ACTR3: variants seen among roughly 807,000 people sequenced by gnomAD.
ACTR3 encodes the protein actin related protein 3, also known as actin-related protein 3.
A neutral mutation model predicts 56.8 loss-of-function variants in ACTR3; 12 were observed. The ratio of observed to expected loss-of-function variants is 0.21; its 90% CI spans 0.14 to 0.34. The LOEUF is 0.34. Ranked by LOEUF, ACTR3 falls within the 10% of genes least tolerant of loss-of-function variation. The pLI, the probability that ACTR3 is intolerant of heterozygous loss-of-function variation, is 1.00. For synonymous variants in ACTR3, 162 were observed against 167.4 expected (o/e 0.97, Z 0.25); for missense variants, 282 against 512.5 (o/e 0.55, Z 4.34).
Position 113,959,339 on chromosome 2 carries a change from C to G in ACTR3, c.*1884C>G, listed in dbSNP as rs1680280976. ...TTTGATAAAGAACTATATTGATAAG[C>G]AGTAAAGATGTCATGCTCCTGGCCC... On this transcript the variant is annotated 3_prime_UTR_variant, in exon 12 of 12. Transcript: ENST00000263238. 6.6e-6 allele frequency: 1 copy of G among 151,912 alleles called. No homozygotes were observed. Among genetic ancestry groups the G allele is most frequent in the African/African-American group, 2.4e-5 (1 of 41,406 alleles). 9.4% of individuals were successfully genotyped at this position (151,912 alleles called of 1,614,324 possible). A position where few individuals can be genotyped will look rare whatever the true frequency, so the allele number is the denominator to read the frequency against.
intron 6 of ACTR3, among the ~76,000 whole-genome samples, chr2:113,936,680 C>G (rs1474675033): frequency 1.3e-5 from 2 of 152,130 alleles, no homozygotes; most frequent in Admixed American, 6.5e-5. Flanking sequence ...TTTGCTAGAA[C>G]TACCGTAATA....
intron 6 of ACTR3, among the ~76,000 whole-genome samples, chr2:113,935,373 C>T (rs1188963967): frequency 6.6e-6 from 1 of 152,216 alleles, no homozygotes; most frequent in East Asian, 1.9e-4. Context: ...CCCCTTGATT[C>T]CTTCAGCCCC....
At position 113,910,330 on chromosome 2, in the gene ACTR3, G is replaced by A. The variant is rs150583021; in HGVS notation, c.45-2842G>A. ...TGGTACGCTCGAGAGGGTGTGGAAC[G>A]TCTACGTCTCTTCCTACACACCTCA... On this transcript the variant is annotated intron_variant, in intron 1 of 11. Coordinates refer to ENST00000263238, the MANE Select transcript of ACTR3 (RefSeq NM_005721.5). Among the ~76,000 whole-genome samples, 672 of 152,228 alleles carry A rather than the reference G, an allele frequency of 4.4e-3. 5 individuals are homozygous for A. The highest frequency in any genetic ancestry group is 0.015 in the African/African-American group (642 of 41,522).
rs1680327814 is a variant in ACTR3, at chr2:113,961,624, CT to C, written c.*4171del. 6.6e-6 allele frequency: 1 copy of C among 151,970 alleles called. No individual in the cohort carries two copies. Among genetic ancestry groups the C allele is most frequent in the African/African-American group, 2.4e-5 (1 of 41,532 alleles). The allele number at this position is 151,970 out of a possible 1,614,324, so 9.4% of individuals were successfully genotyped here. A position where few individuals can be genotyped will look rare whatever the true frequency, so the allele number is the denominator to read the frequency against. On this transcript the variant is annotated 3_prime_UTR_variant, in exon 12 of 12. Coordinates refer to ENST00000263238, the MANE Select transcript of ACTR3 (RefSeq NM_005721.5). ...CTATATATTGCATCAAGTTTTGAGC[CT>C]TCAATCCCAGAAGCATTGATTGACT...
Position 113,959,764 on chromosome 2 carries a change from G to A in ACTR3, c.*2309G>A, listed in dbSNP as rs1005712802. The stretch of plus-strand genomic sequence containing the variant: ...TTGGCCAAGGTGAACTAAATAGTCT[G>A]TAACATTGATTAGATATCAAGCAAC... On this transcript the variant is annotated 3_prime_UTR_variant, in exon 12 of 12. Coordinates refer to ENST00000263238, the MANE Select transcript of ACTR3 (RefSeq NM_005721.5). 1 of 152,000 alleles carries A rather than the reference G, an allele frequency of 6.6e-6. No homozygotes were observed. The highest frequency in any genetic ancestry group is 1.5e-5 in the Non-Finnish European group (1 of 67,900). 9.4% of individuals were successfully genotyped at this position (152,000 alleles called of 1,614,324 possible).
Position 113,951,464 on chromosome 2 carries a change from C to T in ACTR3, c.859-15C>T. On this transcript the variant is annotated splice_polypyrimidine_tract_variant and intron_variant, in intron 8 of 11. Coordinates refer to ENST00000263238, the MANE Select transcript of ACTR3 (RefSeq NM_005721.5). ...AGTGATATGATCTCTATTATATATC[C>T]AACTTATTTTTCAGTTTGCTAATCC... 1 of 1,543,580 alleles carries T rather than the reference C, an allele frequency of 6.5e-7. No homozygotes were observed. Among genetic ancestry groups the T allele is most frequent in the Non-Finnish European group, 9.0e-7 (1 of 1,117,038 alleles).
At chr2:113,931,242 C>T (rs1679718579) in intron 4 of ACTR3, 59 bp from the exon 5 acceptor site, 2 of 1,069,360 alleles carry the variant, frequency 1.9e-6, no homozygotes, top group East Asian at 2.9e-5. Context: ...TAAAAATTGT[C>T]AAGAAAGTTA....
upstream of ACTR3, chr2:113,890,069 G>GGGAC: frequency 6.5e-6 from 4 of 614,756 alleles, no homozygotes; most frequent in South Asian, 7.1e-5. Flanking sequence ...GGGCAGGGCG[G>GGGAC]GGACTGCCTG....
At chr2:113,895,169 AAAT>A (rs1290783768) in intron 1 of ACTR3, among the ~76,000 whole-genome samples, 5 of 148,820 alleles carry the variant, frequency 3.4e-5, no homozygotes, top group Non-Finnish European at 3.0e-5. Context: ...GTTTCTCAGG[AAAT>A]AATAATAGCT....
intron 3 of ACTR3, among the ~76,000 whole-genome samples, chr2:113,924,186 C>T (rs942355111): frequency 6.6e-6 from 1 of 151,822 alleles, no homozygotes; most frequent in African/African-American, 2.4e-5. Flanking sequence ...TCTTCCACCT[C>T]AGCCTCCTGA....
intron 7 of ACTR3, among the ~76,000 whole-genome samples, chr2:113,941,029 G>T (rs1679915695): frequency 6.6e-6 from 1 of 151,922 alleles, no homozygotes; most frequent in African/African-American, 2.4e-5. Context: ...GCCCAGGCTG[G>T]TCTTGAACTC....
At chr2:113,905,617 A>G (rs1394656919) in intron 1 of ACTR3, among the ~76,000 whole-genome samples, 1 of 152,082 alleles carries the variant, frequency 6.6e-6, no homozygotes, top group Non-Finnish European at 1.5e-5. Context: ...TTATCTTCCC[A>G]AACTGAAACT....
intron 1 of ACTR3, among the ~76,000 whole-genome samples, chr2:113,896,447 T>G (rs921104475): frequency 1.3e-5 from 2 of 152,200 alleles, no homozygotes; most frequent in Non-Finnish European, 2.9e-5. Flanking sequence ...TTCCAGTGGA[T>G]TGTAAATAGG....
chr2:113,937,782 C>T (rs1318510123), intron 6 of ACTR3, among the ~76,000 whole-genome samples: 1 of 152,060 alleles, frequency 6.6e-6, no homozygotes, highest in Non-Finnish European at 1.5e-5. Flanking sequence ...ATTCCTGATT[C>T]ATTGGTTTTT....
chr2:113,949,314 G>A (rs1680076925), intron 8 of ACTR3, among the ~76,000 whole-genome samples: 1 of 144,234 alleles, frequency 6.9e-6, no homozygotes, highest in African/African-American at 2.6e-5. Flanking sequence ...GGAGGCAGAG[G>A]TTGCAGTGAG....
At chr2:113,942,106 A>G in intron 7 of ACTR3, 80 bp from the exon 8 acceptor site, 3 of 1,095,630 alleles carry the variant, frequency 2.7e-6, no homozygotes, top group South Asian at 1.8e-5. Flanking sequence ...ATTGGATTAT[A>G]GTTTACTGAA....
chr2:113,908,684 C>G (rs1679248715), intron 1 of ACTR3, among the ~76,000 whole-genome samples: 1 of 151,592 alleles, frequency 6.6e-6, no homozygotes, highest in African/African-American at 2.4e-5. Context: ...TGAACTTTGA[C>G]TTGTTTTTTT....
At chr2:113,929,499 A>G (rs1272322593) in intron 4 of ACTR3, among the ~76,000 whole-genome samples, 1 of 152,128 alleles carries the variant, frequency 6.6e-6, no homozygotes, top group Admixed American at 6.5e-5. Context: ...TTGTGGACAT[A>G]TGTTTTCATT....
intron 1 of ACTR3, chr2:113,905,122 T>G (rs1260994363): frequency 6.6e-6 from 1 of 152,158 alleles, no homozygotes; most frequent in African/African-American, 2.4e-5. Context: ...CACTCCAGGG[T>G]TATAAACTAT....
Sources: gnomAD v4.1 joint callset for allele counts (sites outside exome capture counted in the v4.1 genomes callset) on GRCh38, gnomAD v4.1.1 for gene constraint, MANE v1.5 for transcripts, NCBI Gene and HGNC (gene_info 2026-07-23, HGNC 2026-07-21) for gene names.